The following SPAG17 variants were observed in gnomAD, a reference collection of about 807,000 sequenced individuals.
SPAG17 encodes the protein sperm associated antigen 17, also known as sperm-associated antigen 17.
Under a neutral mutation model 273.6 loss-of-function variants are expected in SPAG17, and 169 were observed. That is an observed-to-expected ratio of 0.62 (90% confidence interval 0.55 to 0.70). SPAG17 has a LOEUF of 0.70. Ranked by LOEUF, SPAG17 falls within the 30% of genes least tolerant of loss-of-function variation. The probability of loss-of-function intolerance (pLI) is 0.00; values close to 1 mark genes in which losing one functional copy is unlikely to be tolerated. For missense variants in SPAG17, 2,557 were observed against 2,627.8 expected, an observed-to-expected ratio of 0.97 and a Z score of 0.59; for synonymous variants, 825 against 873.2, an observed-to-expected ratio of 0.94 and a Z score of 0.97.
Position 118,093,209 on chromosome 1 carries a change from C to T in SPAG17, c.1120G>A (p.Val374Ile). The T allele has an allele frequency of 6.2e-7, 1 of 1,613,608 alleles. No homozygotes were observed. The highest frequency in any genetic ancestry group is 1.7e-5 in the Admixed American group (1 of 59,966). ...HYLESMQLIN[V>I]PQVVNEKPVL... Reference sequence around the variant, plus strand: ...GGTTTCTCATTAACCACTTGTGGAACATTAATAAGCTGCATGCTTTCCAAA... The same window carrying T: ...GGTTTCTCATTAACCACTTGTGGAATATTAATAAGCTGCATGCTTTCCAAA... The change falls in exon 8 of 49, where the codon GTT (valine) becomes ATT (isoleucine). Residue 374 changes from valine (V) to isoleucine (I), a missense_variant. Transcript: ENST00000336338.
At chr1:118,124,993 A>G (rs912112227) in intron 3 of SPAG17, among the ~76,000 whole-genome samples, 1 of 152,116 alleles carries the variant, frequency 6.6e-6, no homozygotes, top group African/African-American at 2.4e-5. Context: ...TCTTAGCTGC[A>G]AGAGCCTGAG....
intron 24 of SPAG17, among the ~76,000 whole-genome samples, chr1:118,034,324 T>C (rs1648818955): frequency 6.6e-6 from 1 of 152,242 alleles, no homozygotes; most frequent in Non-Finnish European, 1.5e-5. Context: ...GAAGGGTATC[T>C]ACTGCAAAAT....
At chr1:117,955,354 T>C in intron 48 of SPAG17, 1 of 1,612,372 alleles carries the variant, frequency 6.2e-7, no homozygotes, top group Non-Finnish European at 8.5e-7. Context: ...AGGGATCAAG[T>C]CGAGGTGAGT....
rs1649788868 is a variant in SPAG17, at chr1:118,041,810, G to C, written c.3047C>G (p.Thr1016Ser). 5 of 1,608,934 alleles carry C rather than the reference G, an allele frequency of 3.1e-6. No homozygotes were observed. The highest frequency in any genetic ancestry group is 4.2e-6 in the Non-Finnish European group (5 of 1,178,690). The change falls in exon 21 of 49, where the codon ACT becomes AGT. Residue 1016 changes from threonine (T) to serine (S), a missense_variant. Physicochemically the swap from Thr to Ser is moderately conservative, Grantham distance 58. Coordinates refer to ENST00000336338, the MANE Select transcript of SPAG17 (RefSeq NM_206996.4). ...TACAGAATTGGAGTTTACCGGGTAAGTTATCTTAGGTTCTGGTTGGTGGGG... is the reference window on the plus strand; with the variant it reads ...TACAGAATTGGAGTTTACCGGGTAACTTATCTTAGGTTCTGGTTGGTGGGG... ...ESPHQPEPKI[T>S]YPFHGYNMGN...
intron 32 of SPAG17, among the ~76,000 whole-genome samples, chr1:117,998,308 G>C (rs1657888871): frequency 1.3e-5 from 2 of 152,114 alleles, no homozygotes; most frequent in African/African-American, 4.8e-5. Context: ...TTATTGACTA[G>C]GGAGTCCTTT....
chr1:118,013,679 C>T (rs12116858), intron 29 of SPAG17, among the ~76,000 whole-genome samples: 9,621 of 151,956 alleles, frequency 0.063, 513 homozygotes, highest in East Asian at 0.31. Context: ...TTATTGATAG[C>T]GGTTTTTTAT....
chr1:118,148,453 C>A (rs888397188), intron 3 of SPAG17, among the ~76,000 whole-genome samples: 1 of 152,176 alleles, frequency 6.6e-6, no homozygotes, highest in African/African-American at 2.4e-5. Context: ...TGGCCCTGCC[C>A]ACATCCTGCT....
rs560302589 is a variant in SPAG17 at position 118,051,219 on chromosome 1, C to T, written c.2814+2783G>A. Among the ~76,000 whole-genome samples, 8 of 151,918 alleles carry T rather than the reference C, an allele frequency of 5.3e-5. No homozygotes were observed. The East Asian group carries it at 1.5e-3, about 29-fold the overall frequency. On this transcript the variant is annotated intron_variant, in intron 20 of 48. Coordinates refer to ENST00000336338, the MANE Select transcript of SPAG17 (RefSeq NM_206996.4). ...TACCATTTCACACCTGATAGAATGG[C>T]TATGAGAAAAAAGACAAGATAATAA...
Position 118,107,962 on chromosome 1 carries a change from C to T in SPAG17, c.448-6036G>A, listed in dbSNP as rs139873160. 4.0e-3 allele frequency among the ~76,000 whole-genome samples: 611 copies of T among 152,206 alleles called. 4 individuals are homozygous for T. Among genetic ancestry groups the T allele is most frequent in the African/African-American group, 0.014 (585 of 41,522 alleles). On this transcript the variant is annotated intron_variant, in intron 4 of 48. Transcript: ENST00000336338. ...ATATGTATTACTATGTAAAGAATTT[C>T]CTGGGTAAAGAAAGGATTCTCTGGT...
Position 118,029,250 on chromosome 1 carries a change from A to G in SPAG17, c.3610-856T>C, listed in dbSNP as rs943649585. Among the ~76,000 whole-genome samples the G allele has an allele frequency of 3.3e-5, 5 of 152,148 alleles. No homozygotes were observed. In the South Asian group the frequency reaches 6.2e-4, roughly 19 times the overall value. On this transcript the variant is annotated intron_variant, in intron 25 of 48. Transcript: ENST00000336338. ...AGTCCATCTTAAATAAAATAAAGTAAAATAAAATAAGAGAAACAGGCTCTT... is the reference window on the plus strand; with the variant it reads ...AGTCCATCTTAAATAAAATAAAGTAGAATAAAATAAGAGAAACAGGCTCTT...
At chr1:118,014,240 T>C (rs1478317380) in intron 29 of SPAG17, among the ~76,000 whole-genome samples, 1 of 152,204 alleles carries the variant, frequency 6.6e-6, no homozygotes, top group Non-Finnish European at 1.5e-5. Flanking sequence ...CAGGGCCTAG[T>C]ACACAGTGAG....
intron 15 of SPAG17, among the ~76,000 whole-genome samples, chr1:118,078,185 C>T (rs750109672): frequency 6.6e-6 from 1 of 152,122 alleles, no homozygotes; most frequent in African/African-American, 2.4e-5. Context: ...CGACCCACCT[C>T]TAGATTAATG....
rs1466259855 is a variant in SPAG17 at position 117,953,648 on chromosome 1, G to A, written c.*402C>T. 2 of 1,098,788 alleles carry A rather than the reference G, an allele frequency of 1.8e-6. No individual in the cohort carries two copies. The highest frequency in any genetic ancestry group is 3.0e-4 in the Middle Eastern group (1 of 3,386). 68.1% of individuals were successfully genotyped at this position (1,098,788 alleles called of 1,614,324 possible). A position where few individuals can be genotyped will look rare whatever the true frequency, so the allele number is the denominator to read the frequency against. ...AAAGCCATTTTTTTGGCAAAAAGTTGATGAGATTTAAAGATGGGGATTATA... is the reference window on the plus strand; with the variant it reads ...AAAGCCATTTTTTTGGCAAAAAGTTAATGAGATTTAAAGATGGGGATTATA... On this transcript the variant is annotated 3_prime_UTR_variant, in exon 49 of 49. Coordinates refer to ENST00000336338, the MANE Select transcript of SPAG17 (RefSeq NM_206996.4).
At chr1:118,126,039 TTC>T (rs1657701841) in intron 3 of SPAG17, among the ~76,000 whole-genome samples, 1 of 77,274 alleles carries the variant, frequency 1.3e-5, no homozygotes, top group African/African-American at 3.4e-5. Context: ...CTCTGTTATT[TTC>T]TGTTTTTTTT....
At chr1:118,003,617 C>G (rs1347106193) in intron 32 of SPAG17, among the ~76,000 whole-genome samples, 1 of 152,134 alleles carries the variant, frequency 6.6e-6, no homozygotes, top group Non-Finnish European at 1.5e-5. Context: ...GCTATTGAAG[C>G]TTGTGCATGT....
chr1:118,006,287 C>T (rs1374535096), intron 31 of SPAG17, among the ~76,000 whole-genome samples: 2 of 152,200 alleles, frequency 1.3e-5, no homozygotes, highest in Non-Finnish European at 2.9e-5. Context: ...CCCTGGCAGC[C>T]ACTAATCTAC....
chr1:118,090,243 T>G (rs898625568), intron 10 of SPAG17, among the ~76,000 whole-genome samples: 1 of 152,188 alleles, frequency 6.6e-6, no homozygotes, highest in South Asian at 2.1e-4. Flanking sequence ...AATCACAAAC[T>G]CTTTCAGATA....
intron 44 of SPAG17, 50 bp from the exon 45 acceptor site, chr1:117,972,097 G>T: frequency 7.0e-7 from 1 of 1,421,602 alleles, no homozygotes; most frequent in South Asian, 1.5e-5. Flanking sequence ...GAGTTCCCAA[G>T]ATTAAAAAAA....
At chr1:118,098,916 A>G (rs1449428388) in intron 6 of SPAG17, among the ~76,000 whole-genome samples, 2 of 152,206 alleles carry the variant, frequency 1.3e-5, no homozygotes, top group Non-Finnish European at 2.9e-5. Flanking sequence ...TGTGCAAATG[A>G]TATTATTAAT....
Sources: allele counts gnomAD v4.1 joint callset (sites outside exome capture counted in the v4.1 genomes callset), GRCh38; gene constraint gnomAD v4.1.1; transcripts MANE v1.5; gene names NCBI Gene and HGNC (gene_info 2026-07-23, HGNC 2026-07-21).